The following MCCC2 variants were observed in gnomAD, a reference collection of about 807,000 sequenced individuals.
The protein encoded by MCCC2 is methylcrotonoyl-CoA carboxylase beta chain, mitochondrial.
Under a neutral mutation model 77.2 loss-of-function variants are expected in MCCC2, and 52 were observed. That is an observed-to-expected ratio of 0.67 (90% confidence interval 0.54 to 0.85). The LOEUF (loss-of-function observed/expected upper bound fraction) is 0.85, where lower values mean the gene tolerates loss of function less well. Among genes scored for constraint, MCCC2 ranks in the 40% least tolerant of loss-of-function variants. The pLI, the probability that MCCC2 is intolerant of heterozygous loss-of-function variation, is 0.00. For synonymous variants in MCCC2, 253 were observed against 248.4 expected (o/e 1.02, Z -0.18); for missense variants, 682 against 703.2 (o/e 0.97, Z 0.34).
At chr5:71,641,759 A>G (rs1747127947) in intron 11 of MCCC2, among the ~76,000 whole-genome samples, 3 of 152,224 alleles carry the variant, frequency 2.0e-5, no homozygotes, top group Non-Finnish European at 2.9e-5. Flanking sequence ...ACTTGAAAAT[A>G]TAGTAGTTAG....
intron 7 of MCCC2, among the ~76,000 whole-genome samples, 154 bp from the exon 8 acceptor site, chr5:71,631,967 G>T (rs902229770): frequency 6.6e-6 from 1 of 152,192 alleles, no homozygotes; most frequent in Admixed American, 6.5e-5. Flanking sequence ...TAGTCTCCAG[G>T]TTTCCTAGGT....
At chr5:71,639,213 C>A (rs114979495) in intron 10 of MCCC2, among the ~76,000 whole-genome samples, 1,914 of 152,312 alleles carry the variant, frequency 0.013, 34 homozygotes, top group African/African-American at 0.044. Flanking sequence ...AACCTCTCCC[C>A]AGCTATGAAA....
At chr5:71,596,939 C>CA (rs199756667) in intron 3 of MCCC2, among the ~76,000 whole-genome samples, 102 of 131,280 alleles carry the variant, frequency 7.8e-4, no homozygotes, top group Non-Finnish European at 1.2e-3. Context: ...GACTCTGTCT[C>CA]AAAAAAAAAA....
chr5:71,600,825 G>GTGTCAGCTTTGTTTC (rs2112313806), intron 4 of MCCC2, among the ~76,000 whole-genome samples: 1 of 152,306 alleles, frequency 6.6e-6, no homozygotes, highest in South Asian at 2.1e-4. Flanking sequence ...GACTTGCTGT[G>GTGTCAGCTTTGTTTC]TGTCAGCTTT....
intron 15 of MCCC2, among the ~76,000 whole-genome samples, chr5:71,651,455 C>T (rs146529833): frequency 2.1e-3 from 318 of 152,300 alleles, no homozygotes; most frequent in Non-Finnish European, 3.7e-3. Flanking sequence ...ACTTTTAACT[C>T]CTGTGTAAGC....
At chr5:71,625,432 A>C (rs781719325) in intron 6 of MCCC2, among the ~76,000 whole-genome samples, 8 of 152,226 alleles carry the variant, frequency 5.3e-5, no homozygotes, top group Non-Finnish European at 1.0e-4. Context: ...TGTTAACATG[A>C]CATTTTGTTA....
chr5:71,653,890 A>G (rs192118316), intron 16 of MCCC2, among the ~76,000 whole-genome samples: 2 of 151,606 alleles, frequency 1.3e-5, no homozygotes, highest in East Asian at 3.9e-4. Context: ...GTCCATTACA[A>G]TCATTTGAAT....
At chr5:71,652,031 T>A (rs1747451834) in intron 15 of MCCC2, among the ~76,000 whole-genome samples, 1 of 152,232 alleles carries the variant, frequency 6.6e-6, no homozygotes, top group African/African-American at 2.4e-5. Flanking sequence ...AGAGTTTATT[T>A]GAAATAAGTC....
rs1747468314 is a variant in MCCC2, at chr5:71,652,680, T to C, written c.1500T>C (p.Ala500=). 5 of 1,614,064 alleles carry C rather than the reference T, an allele frequency of 3.1e-6. No homozygotes were observed. The highest frequency in any genetic ancestry group is 4.2e-6 in the Non-Finnish European group (5 of 1,180,016). Residue 500 remains alanine (A), a synonymous_variant, in exon 16 of 17, where the codon GCT becomes GCC. Coordinates refer to ENST00000340941, the MANE Select transcript of MCCC2 (RefSeq NM_022132.5). ...RAREGKQFSS[A]DEAALKEPII... ...CTCTTTTCCTTTAGTTCTCCAGTGC[T>C]GATGAAGCGGCTTTAAAAGAGCCCA...
intron 6 of MCCC2, 83 bp downstream of exon 6, chr5:71,604,551 A>G (rs972291711): frequency 6.6e-6 from 7 of 1,053,898 alleles, no homozygotes; most frequent in African/African-American, 4.7e-5. Context: ...GATGGCTTGA[A>G]AGTAAAACAG....
chr5:71,631,937 A>T (rs538351822), intron 7 of MCCC2, among the ~76,000 whole-genome samples, 184 bp from the exon 8 acceptor site: 1 of 152,200 alleles, frequency 6.6e-6, no homozygotes, highest in Non-Finnish European at 1.5e-5. Flanking sequence ...TAGATTTTTC[A>T]CCTGTAAGAG....
intron 1 of MCCC2, among the ~76,000 whole-genome samples, chr5:71,590,303 T>C (rs1025416174): frequency 1.3e-5 from 2 of 152,196 alleles, no homozygotes; most frequent in Non-Finnish European, 2.9e-5. Context: ...GGAGGTGAAC[T>C]GTAGCCAGTA....
chr5:71,605,297 C>A (rs1475901422), intron 6 of MCCC2, among the ~76,000 whole-genome samples: 46 of 151,318 alleles, frequency 3.0e-4, no homozygotes, highest in African/African-American at 1.1e-3. Flanking sequence ...GATGGTATCT[C>A]ATTGTGGTTT....
intron 1 of MCCC2, among the ~76,000 whole-genome samples, chr5:71,589,410 C>G (rs1208982075): frequency 6.6e-6 from 1 of 152,266 alleles, no homozygotes; most frequent in Non-Finnish European, 1.5e-5. Context: ...GCTGCTGTGA[C>G]TGTTCCACTG....
intron 6 of MCCC2, among the ~76,000 whole-genome samples, chr5:71,614,484 CTTT>C (rs34050987): frequency 3.6e-5 from 5 of 139,174 alleles, no homozygotes; most frequent in Admixed American, 7.2e-5. Context: ...CTCTCTCTCT[CTTT>C]TTTTTTTTTT....
chr5:71,646,411 AG>A (rs1216503031), intron 13 of MCCC2, 134 bp downstream of exon 13: 25 of 751,280 alleles, frequency 3.3e-5, no homozygotes, highest in Non-Finnish European at 5.1e-5. Flanking sequence ...CTCTTTCTGG[AG>A]GCCCTTTAAG....
At chr5:71,599,596 T>C (rs1745341273) in intron 3 of MCCC2, 63 bp from the exon 4 acceptor site, 1 of 1,279,102 alleles carries the variant, frequency 7.8e-7, no homozygotes, top group African/African-American at 1.5e-5. Context: ...TTTCCATGTG[T>C]AACTGTTTAA....
intron 1 of MCCC2, chr5:71,592,721 A>G: frequency 1.6e-6 from 1 of 620,476 alleles, no homozygotes; most frequent in Admixed American, 2.9e-5. Flanking sequence ...GTGGTGAAGA[A>G]GAGCTTGAAC....
chr5:71,648,986 G>A (rs535221722), intron 13 of MCCC2, 111 bp from the exon 14 acceptor site: 4 of 1,232,178 alleles, frequency 3.2e-6, no homozygotes, highest in Admixed American at 1.7e-5. Flanking sequence ...TTCTTAAGGC[G>A]AGAGGCATTT....
Sources: gnomAD v4.1 joint callset for allele counts (sites outside exome capture counted in the v4.1 genomes callset) on GRCh38, gnomAD v4.1.1 for gene constraint, MANE v1.5 for transcripts, NCBI Gene and HGNC (gene_info 2026-07-23, HGNC 2026-07-21) for gene names.